The following MBD5 variants were observed in gnomAD, a reference collection of about 807,000 sequenced individuals.
The protein encoded by MBD5 is methyl-CpG-binding domain protein 5.
Under a neutral mutation model 117.3 loss-of-function variants are expected in MBD5, and 13 were observed. The ratio of observed to expected loss-of-function variants is 0.11; its 90% confidence interval spans 0.07 to 0.18. The LOEUF is 0.18. MBD5 is among the 10% of genes least tolerant of loss of function. MBD5 has a pLI of 1.00. For missense variants in MBD5, 1,879 were observed against 2,093.8 expected, an observed-to-expected ratio of 0.90 and a Z score of 2.00; for synonymous variants, 727 against 766.4, an observed-to-expected ratio of 0.95 and a Z score of 0.85.
chr2:148,089,318 A>G (rs982820810), intron 1 of MBD5, among the ~76,000 whole-genome samples: 9 of 152,186 alleles, frequency 5.9e-5, no homozygotes, highest in African/African-American at 2.2e-4. Flanking sequence ...GTCAACAAAG[A>G]AACAAATTAC....
At chr2:148,056,998 T>G (rs1694884918) in intron 1 of MBD5, among the ~76,000 whole-genome samples, 1 of 152,008 alleles carries the variant, frequency 6.6e-6, no homozygotes, top group South Asian at 2.1e-4. Context: ...TGTTTTCACA[T>G]TCATTGACAT....
intron 4 of MBD5, among the ~76,000 whole-genome samples, chr2:148,454,936 G>A (rs1426461097): frequency 6.6e-6 from 1 of 152,080 alleles, no homozygotes; most frequent in Admixed American, 6.6e-5. Flanking sequence ...TCTGTAGATT[G>A]CTTAGGGTAG....
At chr2:148,151,344 C>A (rs1309686737) in intron 1 of MBD5, among the ~76,000 whole-genome samples, 5 of 151,404 alleles carry the variant, frequency 3.3e-5, no homozygotes, top group African/African-American at 1.2e-4. Context: ...TTTGGTTTGC[C>A]AGTATTTTAT....
intron 4 of MBD5, among the ~76,000 whole-genome samples, chr2:148,436,577 G>A (rs549824880): frequency 4.6e-5 from 7 of 152,092 alleles, no homozygotes; most frequent in African/African-American, 1.7e-4. Context: ...TCTCCATGTT[G>A]GTTAGGCTGG....
intron 4 of MBD5, among the ~76,000 whole-genome samples, chr2:148,382,352 CAAAG>C (rs1327969655): frequency 1.3e-5 from 2 of 152,090 alleles, no homozygotes; most frequent in Non-Finnish European, 1.5e-5. Context: ...TCAAAAGAGA[CAAAG>C]AAGACCATTA....
At chr2:148,131,581 A>G (rs1433514519) in intron 1 of MBD5, among the ~76,000 whole-genome samples, 2 of 152,180 alleles carry the variant, frequency 1.3e-5, no homozygotes, top group African/African-American at 2.4e-5. Flanking sequence ...CTTCAGTCCT[A>G]GCTACTCAGG....
intron 1 of MBD5, among the ~76,000 whole-genome samples, chr2:148,129,127 A>T (rs1006310771): frequency 1.3e-5 from 2 of 152,198 alleles, no homozygotes; most frequent in African/African-American, 2.4e-5. Flanking sequence ...AGCAGCAAAG[A>T]ACCATTAGCA....
intron 3 of MBD5, among the ~76,000 whole-genome samples, chr2:148,240,909 T>A (rs1700203472): frequency 6.6e-6 from 1 of 152,024 alleles, no homozygotes; most frequent in African/African-American, 2.4e-5. Flanking sequence ...TAAAATTTTA[T>A]CCATTTTTAG....
chr2:148,099,896 A>T (rs1696162590), intron 1 of MBD5, among the ~76,000 whole-genome samples: 1 of 152,186 alleles, frequency 6.6e-6, no homozygotes. Context: ...AAAAATATTA[A>T]TCCAATTGAT....
chr2:148,117,618 C>A (rs963844352), intron 1 of MBD5, among the ~76,000 whole-genome samples: 2 of 152,038 alleles, frequency 1.3e-5, no homozygotes, highest in South Asian at 4.2e-4. Context: ...TTAGACTAAC[C>A]AGAGCACATA....
intron 3 of MBD5, among the ~76,000 whole-genome samples, chr2:148,333,231 G>A (rs1167669816): frequency 2.0e-5 from 3 of 152,050 alleles, no homozygotes; most frequent in Admixed American, 6.6e-5. Context: ...AAGTCTAGTG[G>A]TCCTTGGCTG....
intron 1 of MBD5, among the ~76,000 whole-genome samples, chr2:148,103,542 C>T (rs1031049726): frequency 2.0e-5 from 3 of 152,136 alleles, no homozygotes; most frequent in African/African-American, 7.2e-5. Flanking sequence ...GCGATACATG[C>T]TACATGCTAA....
chr2:148,313,243 T>A (rs1262174123), intron 3 of MBD5, among the ~76,000 whole-genome samples: 1 of 152,188 alleles, frequency 6.6e-6, no homozygotes, highest in East Asian at 1.9e-4. Flanking sequence ...CTGCTGAAGC[T>A]GCGCCCACAG....
At chr2:148,449,225 A>G (rs1706654446) in intron 4 of MBD5, among the ~76,000 whole-genome samples, 2 of 152,082 alleles carry the variant, frequency 1.3e-5, no homozygotes, top group Admixed American at 1.3e-4. Flanking sequence ...CTTTAAAGAA[A>G]GGAAGTGTTG....
intron 1 of MBD5, among the ~76,000 whole-genome samples, chr2:148,148,091 C>G (rs1697515795): frequency 6.6e-6 from 1 of 152,128 alleles, no homozygotes; most frequent in South Asian, 2.1e-4. Context: ...CATTGTTAAA[C>G]AGTTGCCACT....
chr2:148,326,872 T>C (rs893780271), intron 3 of MBD5, among the ~76,000 whole-genome samples: 12 of 150,594 alleles, frequency 8.0e-5, no homozygotes, highest in African/African-American at 3.0e-4. Context: ...AATTTGATCC[T>C]GTCATTATGA....
intron 8 of MBD5, among the ~76,000 whole-genome samples, chr2:148,472,672 G>A (rs577406276): frequency 1.3e-5 from 2 of 152,044 alleles, no homozygotes; most frequent in African/African-American, 4.8e-5. Context: ...GAGCCTTAAA[G>A]GTAGGCATTC....
rs67471940 is a variant in MBD5, at chr2:148,314,376, G to GTTTTTT, written c.-679-27824_-679-27819dup. On this transcript the variant is annotated intron_variant, in intron 3 of 13. Transcript: ENST00000642680. ...CAGCAATTAATGTTTCAGTGTTATG[G>GTTTTTT]TTTTTTTTTTTTTTTTTTTGAGACA... Among the ~76,000 whole-genome samples the GTTTTTT allele has an allele frequency of 2.2e-4, 23 of 106,600 alleles. 2 individuals are homozygous for GTTTTTT. The highest frequency in any genetic ancestry group is 5.9e-4 in the East Asian group (2 of 3,372). The allele number at this position is 106,600 out of a possible 152,430, so 69.9% of individuals were successfully genotyped here.
In MBD5 at chr2:148,458,466, T is replaced by C. The variant is rs1706953102; in HGVS notation, c.-293T>C. 1.0e-5 allele frequency: 6 copies of C among 578,584 alleles called. No individual in the cohort carries two copies. Among genetic ancestry groups the C allele is most frequent in the African/African-American group, 5.6e-5 (3 of 53,626 alleles). 35.8% of individuals were successfully genotyped at this position (578,584 alleles called of 1,614,324 possible). On this transcript the variant is annotated 5_prime_UTR_variant, in exon 5 of 14. Transcript: ENST00000642680. ...CCCCCACTTCAGACAGGTACCAGCATTGGTGAATTATGATTTTCCTTAGTC... is the reference window on the plus strand; with the variant it reads ...CCCCCACTTCAGACAGGTACCAGCACTGGTGAATTATGATTTTCCTTAGTC...
Sources: gnomAD v4.1 joint callset for allele counts (sites outside exome capture counted in the v4.1 genomes callset) on GRCh38, gnomAD v4.1.1 for gene constraint, MANE v1.5 for transcripts, NCBI Gene and HGNC (gene_info 2026-07-23, HGNC 2026-07-21) for gene names.